Variants in AGAP1 observed in about 807,000 individuals in gnomAD.
AGAP1 encodes arf-GAP with GTPase, ANK repeat and PH domain-containing protein 1.
A neutral mutation model predicts 105.3 loss-of-function variants in AGAP1; 29 were observed. The ratio of observed to expected loss-of-function variants is 0.28; its 90% confidence interval spans 0.21 to 0.38. The LOEUF (loss-of-function observed/expected upper bound fraction) is 0.38, where lower values mean the gene tolerates loss of function less well. Ranked by LOEUF, AGAP1 falls within the 10% of genes least tolerant of loss-of-function variation. The pLI is 1.00. For missense variants in AGAP1, 998 were observed against 1,165.1 expected, an observed-to-expected ratio of 0.86 and a Z score of 2.09; for synonymous variants, 509 against 485.9, an observed-to-expected ratio of 1.05 and a Z score of -0.63.
intron 1 of AGAP1, among the ~76,000 whole-genome samples, chr2:235,593,404 TG>T (rs1375132269): frequency 3.3e-5 from 5 of 149,830 alleles, no homozygotes; most frequent in African/African-American, 7.6e-5. Flanking sequence ...GATATTAGTA[TG>T]TTTTTTTGGG....
intron 13 of AGAP1, among the ~76,000 whole-genome samples, chr2:236,016,929 T>C (rs1489721170): frequency 6.6e-6 from 1 of 152,204 alleles, no homozygotes; most frequent in Admixed American, 6.5e-5. Context: ...TCATTTACTT[T>C]GGGTTTATTT....
intron 1 of AGAP1, among the ~76,000 whole-genome samples, chr2:235,539,961 C>G (rs1475608191): frequency 6.6e-6 from 1 of 152,168 alleles, no homozygotes; most frequent in East Asian, 1.9e-4. Context: ...TCCTCCTGGT[C>G]TCCGTTCAGG....
At chr2:235,695,127 C>T (rs1057458990) in intron 1 of AGAP1, among the ~76,000 whole-genome samples, 6 of 152,192 alleles carry the variant, frequency 3.9e-5, no homozygotes, top group Non-Finnish European at 7.3e-5. Flanking sequence ...ACCTTTTCCT[C>T]GTGTTTCCTC....
chr2:235,981,450 TACACAC>T lies in AGAP1; in HGVS notation c.1645+12846_1645+12851del, dbSNP rs10639320. On this transcript the variant is annotated intron_variant, in intron 13 of 17. Transcript: ENST00000304032. The surrounding 1 kb of genome is among the most constrained non-coding windows in gnomAD (Gnocchi z 5.5). ...AATTTCTAAGTTCATGTTCCATGCG[TACACAC>T]ACACACACACACACACACGGTGTTA... is the stretch of plus-strand genomic sequence containing the variant. 3.0e-3 allele frequency among the ~76,000 whole-genome samples: 446 copies of T among 149,268 alleles called. 1 individual carries two copies. The highest frequency in any genetic ancestry group is 4.9e-3 in the Non-Finnish European group (331 of 67,112).
chr2:235,731,014 G>A, intron 3 of AGAP1, among the ~76,000 whole-genome samples: 1 of 152,086 alleles, frequency 6.6e-6, no homozygotes, highest in East Asian at 1.9e-4. Context: ...ACATGAGTCA[G>A]TTTCCTTCTG....
rs1944023693 is a variant in AGAP1 at position 235,557,939 on chromosome 2, C to T, written c.163+63090C>T. On this transcript the variant is annotated intron_variant, in intron 1 of 17. Transcript: ENST00000304032. This position sits in a 1 kb window ranked among gnomAD's most constrained non-coding sequence, Gnocchi z 4.7. Reference sequence around the variant, plus strand: ...GTGAGTGAGGTTTTGTGGTCCTGGACAGGTGAGCTCCCCTCCAGAGGCTGC... The same window carrying T: ...GTGAGTGAGGTTTTGTGGTCCTGGATAGGTGAGCTCCCCTCCAGAGGCTGC... Among the ~76,000 whole-genome samples the T allele has an allele frequency of 6.6e-6, 1 of 152,206 alleles. No individual in the cohort carries two copies. The highest frequency in any genetic ancestry group is 2.4e-5 in the African/African-American group (1 of 41,446).
chr2:235,771,821 A>G (rs1464055661), intron 6 of AGAP1, among the ~76,000 whole-genome samples: 1 of 152,126 alleles, frequency 6.6e-6, no homozygotes, highest in Non-Finnish European at 1.5e-5. Context: ...AAGAATCAGT[A>G]TGTCGTTTTA....
In AGAP1 at chr2:236,121,956, A is replaced by G. The variant is rs1436073619; in HGVS notation, c.2370+1509A>G. 1.5e-5 allele frequency among the ~76,000 whole-genome samples: 1 copy of G among 68,104 alleles called. No individual in the cohort carries two copies. The highest frequency in any genetic ancestry group is 1.7e-4 in the Admixed American group (1 of 5,838). 44.7% of individuals were successfully genotyped at this position (68,104 alleles called of 152,430 possible). A position where few individuals can be genotyped will look rare whatever the true frequency, so the allele number is the denominator to read the frequency against. On this transcript the variant is annotated intron_variant, in intron 17 of 17. Coordinates refer to ENST00000304032, the MANE Select transcript of AGAP1 (RefSeq NM_001037131.3). The surrounding 1 kb of genome is among the most constrained non-coding windows in gnomAD (Gnocchi z 4.9). Reference sequence around the variant, plus strand: ...CCTGGTAGCTCTCTCCTTTCCCCCCACCCCCTTCTTTTTGGGACAAAGTCT... The same window carrying G: ...CCTGGTAGCTCTCTCCTTTCCCCCCGCCCCCTTCTTTTTGGGACAAAGTCT...
rs1479658741 is a variant in AGAP1, at chr2:235,739,039, A to G, written c.311-1924A>G. Among the ~76,000 whole-genome samples the G allele has an allele frequency of 1.3e-5, 2 of 152,218 alleles. No homozygotes were observed. Among genetic ancestry groups the G allele is most frequent in the Admixed American group, 6.5e-5 (1 of 15,282 alleles). On this transcript the variant is annotated intron_variant, in intron 3 of 17. Transcript: ENST00000304032. The surrounding 1 kb of genome is among the most constrained non-coding windows in gnomAD (Gnocchi z 5.3). ...AATACGACTTTTATTAAAGCAGGTT[A>G]AAAGAACCTTGGCAGAAATTTCAAA... is the stretch of plus-strand genomic sequence containing the variant.
rs1947128981 is a variant in AGAP1 at position 235,639,763 on chromosome 2, C to A, written c.164-69416C>A. Among the ~76,000 whole-genome samples the A allele has an allele frequency of 6.6e-6, 1 of 152,148 alleles. No homozygotes were observed. Among genetic ancestry groups the A allele is most frequent in the South Asian group, 2.1e-4 (1 of 4,826 alleles). ...AGCACATGCCATCCCACATTCTAGA[C>A]CATCCAGTTTTGCTTCTCAGGCTCT... is the stretch of plus-strand genomic sequence containing the variant. On this transcript the variant is annotated intron_variant, in intron 1 of 17. Transcript: ENST00000304032. This position sits in a 1 kb window ranked among gnomAD's most constrained non-coding sequence, Gnocchi z 5.3.
chr2:235,791,273 AC>A (rs1461706909), intron 6 of AGAP1, among the ~76,000 whole-genome samples: 13 of 152,138 alleles, frequency 8.5e-5, no homozygotes, highest in African/African-American at 3.1e-4. Flanking sequence ...TGATCACTTT[AC>A]TGTGATTTAA....
rs943504948 is a variant in AGAP1, at chr2:235,625,346, G to A, written c.164-83833G>A. ...ACCTGGAGGAGGTGTGAAGACCTGC[G>A]CATGTGGACAGTTTGAAAGCCTAGC... On this transcript the variant is annotated intron_variant, in intron 1 of 17. Coordinates refer to ENST00000304032, the MANE Select transcript of AGAP1 (RefSeq NM_001037131.3). This position sits in a 1 kb window ranked among gnomAD's most constrained non-coding sequence, Gnocchi z 4.0. Among the ~76,000 whole-genome samples the A allele has an allele frequency of 3.3e-5, 5 of 152,216 alleles. No individual in the cohort carries two copies. The highest frequency in any genetic ancestry group is 5.9e-5 in the Non-Finnish European group (4 of 68,038).
At position 235,610,615 on chromosome 2, in the gene AGAP1, T is replaced by C. The variant is rs994214393; in HGVS notation, c.164-98564T>C. Among the ~76,000 whole-genome samples the C allele has an allele frequency of 3.3e-5, 5 of 152,158 alleles. No homozygotes were observed. Among genetic ancestry groups the C allele is most frequent in the African/African-American group, 9.7e-5 (4 of 41,440 alleles). On this transcript the variant is annotated intron_variant, in intron 1 of 17. Coordinates refer to ENST00000304032, the MANE Select transcript of AGAP1 (RefSeq NM_001037131.3). This position sits in a 1 kb window ranked among gnomAD's most constrained non-coding sequence, Gnocchi z 4.9. ...AGATCCCACCTCAGATACCATCGCA[T>C]TGGGGGTTGAGCTTTAAATACAAAT...
chr2:235,766,335 G>A (rs535790982), intron 6 of AGAP1, among the ~76,000 whole-genome samples: 123 of 152,306 alleles, frequency 8.1e-4, no homozygotes, highest in African/African-American at 2.8e-3. Flanking sequence ...TAGAAGGACC[G>A]TATGGCCCAT....
rs536516689 is a variant in AGAP1, at chr2:235,905,133, A to G, written c.1156-3605A>G. On this transcript the variant is annotated intron_variant, in intron 10 of 17. Transcript: ENST00000304032. The surrounding 1 kb of genome is among the most constrained non-coding windows in gnomAD (Gnocchi z 4.2). ...GTACATTTCTATAATAATTTTAAAT[A>G]AAATATCGTGGTTATTGTATGTTAA... Among the ~76,000 whole-genome samples, 1 of 152,274 alleles carries G rather than the reference A, an allele frequency of 6.6e-6. No individual in the cohort carries two copies. The highest frequency in any genetic ancestry group is 6.5e-5 in the Admixed American group (1 of 15,308).
chr2:236,036,415 T>G lies in AGAP1; in HGVS notation c.1646-146T>G, dbSNP rs997294824. ...GTTGGGAGGTGCATGGATTCAAATCTCCGCCGCCGTGGTTGTCCAGTGCCG... is the reference window on the plus strand; with the variant it reads ...GTTGGGAGGTGCATGGATTCAAATCGCCGCCGCCGTGGTTGTCCAGTGCCG... On this transcript the variant is annotated intron_variant, in intron 13 of 17. Transcript: ENST00000304032. The surrounding 1 kb of genome is among the most constrained non-coding windows in gnomAD (Gnocchi z 5.7). 29 of 1,068,728 alleles carry G rather than the reference T, an allele frequency of 2.7e-5. No individual in the cohort carries two copies. Among genetic ancestry groups the G allele is most frequent in the Middle Eastern group, 2.4e-4 (1 of 4,242 alleles). The allele number at this position is 1,068,728 out of a possible 1,614,324, so 66.2% of individuals were successfully genotyped here. A position where few individuals can be genotyped will look rare whatever the true frequency, so the allele number is the denominator to read the frequency against.
rs1951293301 is a variant in AGAP1, at chr2:235,719,839, G to A, written c.310+2195G>A. ...GGAGCTGACAGCAGCAGACACCCAG[G>A]TGCACCCCAGTGGGTGTGTGTCTAG... On this transcript the variant is annotated intron_variant, in intron 3 of 17. Transcript: ENST00000304032. The surrounding 1 kb of genome is among the most constrained non-coding windows in gnomAD (Gnocchi z 4.9). Among the ~76,000 whole-genome samples the A allele has an allele frequency of 1.3e-5, 2 of 152,178 alleles. No individual in the cohort carries two copies. Among genetic ancestry groups the A allele is most frequent in the Non-Finnish European group, 2.9e-5 (2 of 68,038 alleles).
At chr2:235,923,074 G>C (rs2052261003) in intron 11 of AGAP1, among the ~76,000 whole-genome samples, 1 of 152,186 alleles carries the variant, frequency 6.6e-6, no homozygotes, top group Non-Finnish European at 1.5e-5. Flanking sequence ...ATCGGGGCGA[G>C]TACCAGCTGA....
At chr2:235,589,186 A>ATTTT (rs1559270688) in intron 1 of AGAP1, among the ~76,000 whole-genome samples, 13 of 35,120 alleles carry the variant, frequency 3.7e-4, no homozygotes, top group Non-Finnish European at 4.7e-4. Context: ...TTAATAGCTT[A>ATTTT]TTGTTTTGTT....
Sources: gnomAD v4.1 joint callset for allele counts (sites outside exome capture counted in the v4.1 genomes callset) on GRCh38, gnomAD v4.1.1 for gene constraint, Gnocchi (gnomAD v3.1) non-coding constraint, MANE v1.5 for transcripts, NCBI Gene and HGNC (gene_info 2026-07-23, HGNC 2026-07-21) for gene names.